The following NUP155 variants were observed in gnomAD, a reference collection of about 807,000 sequenced individuals.
NUP155 encodes nucleoporin 155.
In NUP155, 71 loss-of-function variants were observed where a neutral mutation model predicts 180.4. The observed-to-expected ratio is 0.39, with a 90% confidence interval of 0.33 to 0.48. NUP155 has a LOEUF of 0.48. Ranked by LOEUF, NUP155 falls within the 20% of genes least tolerant of loss-of-function variation. NUP155 has a pLI of 0.91. For missense variants in NUP155, 1,553 were observed against 1,648.9 expected, an observed-to-expected ratio of 0.94 and a Z score of 1.01; for synonymous variants, 582 against 559.5, an observed-to-expected ratio of 1.04 and a Z score of -0.57.
rs1293156768 is a variant in NUP155, at chr5:37,330,031, C to A, written c.1724+7G>T. The stretch of plus-strand genomic sequence containing the variant: ...CAAATAAATAAACAAGAAAAACTTT[C>A]ACATACCTAAAGAAAGCCCGAGTAG... On this transcript the variant is annotated splice_region_variant and intron_variant, in intron 15 of 34. Transcript: ENST00000231498. 1.2e-6 allele frequency: 2 copies of A among 1,600,132 alleles called. No homozygotes were observed. Among genetic ancestry groups the A allele is most frequent in the East Asian group, 2.2e-5 (1 of 44,792 alleles).
At chr5:37,334,083 G>A (rs1381155607) in intron 12 of NUP155, among the ~76,000 whole-genome samples, 1 of 151,310 alleles carries the variant, frequency 6.6e-6, no homozygotes, top group Non-Finnish European at 1.5e-5. Flanking sequence ...TTACAGGCAT[G>A]AGCCACCACA....
intron 13 of NUP155, among the ~76,000 whole-genome samples, chr5:37,332,978 T>A (rs1478390404): frequency 1.3e-5 from 2 of 151,816 alleles, no homozygotes; most frequent in East Asian, 3.9e-4. Flanking sequence ...ATAAATAAAA[T>A]AAAATATCAA....
At chr5:37,354,540 C>G (rs180673126) in intron 4 of NUP155, among the ~76,000 whole-genome samples, 3 of 150,998 alleles carry the variant, frequency 2.0e-5, no homozygotes, top group Non-Finnish European at 1.5e-5. Flanking sequence ...CTTACTGCAG[C>G]CTTGTCCTCC....
chr5:37,293,106 A>G (rs1742321869), intron 33 of NUP155, 121 bp from the exon 34 acceptor site: 1 of 699,612 alleles, frequency 1.4e-6, no homozygotes, highest in Non-Finnish European at 2.6e-6. Flanking sequence ...AAAGCATTTA[A>G]TATCACATGG....
chr5:37,333,147 G>T (rs1025857674), intron 13 of NUP155, among the ~76,000 whole-genome samples: 10 of 151,900 alleles, frequency 6.6e-5, no homozygotes, highest in Non-Finnish European at 1.5e-4. Flanking sequence ...CTGAGATCAG[G>T]AGTTCAAGAC....
chr5:37,302,720 T>C, intron 29 of NUP155, 59 bp downstream of exon 29: 1 of 1,572,304 alleles, frequency 6.4e-7, no homozygotes, highest in South Asian at 1.1e-5. Context: ...GAATGGAATG[T>C]GGAATAACTA....
At chr5:37,342,736 A>G (rs981203739) in intron 9 of NUP155, 90 bp from the exon 10 acceptor site, 108 of 942,098 alleles carry the variant, frequency 1.1e-4, no homozygotes, top group Middle Eastern at 3.1e-4. Context: ...ACATATTTCC[A>G]TATTTTCCTT....
chr5:37,346,006 A>G (rs1177961472), intron 9 of NUP155, among the ~76,000 whole-genome samples: 5 of 152,150 alleles, frequency 3.3e-5, no homozygotes, highest in Admixed American at 6.6e-5. Context: ...TTAGAGGGAA[A>G]AACAGAAAAT....
At chr5:37,352,446 G>A (rs1217084536) in intron 5 of NUP155, among the ~76,000 whole-genome samples, 1 of 152,180 alleles carries the variant, frequency 6.6e-6, no homozygotes, top group Non-Finnish European at 1.5e-5. Context: ...ACTGAAGCAG[G>A]AGAATCACTT....
intron 3 of NUP155, among the ~76,000 whole-genome samples, chr5:37,363,002 T>G (rs1157907677): frequency 1.3e-5 from 2 of 152,156 alleles, no homozygotes; most frequent in Admixed American, 1.3e-4. Flanking sequence ...AACCTCCATC[T>G]CCCAGGTTCA....
chr5:37,332,312 GCTTTT>G (rs1242714851), intron 13 of NUP155, among the ~76,000 whole-genome samples: 1 of 120,166 alleles, frequency 8.3e-6, no homozygotes, highest in African/African-American at 3.6e-5. Context: ...TGCCATTACA[GCTTTT>G]TTTTTTTTTT....
chr5:37,327,736 C>T lies in NUP155; in HGVS notation c.1917G>A (p.Leu639=). 3 of 1,614,146 alleles carry T rather than the reference C, an allele frequency of 1.9e-6. No homozygotes were observed. Among genetic ancestry groups the T allele is most frequent in the Non-Finnish European group, 2.5e-6 (3 of 1,180,018 alleles). ...PPAMSTPVCA[L]GNPATQATNM... Reference sequence around the variant, plus strand: ...TTGTGGCCTGAGTTGCTGGGTTTCCCAGAGCACACACTGGAGTTGACATGG... The same window carrying T: ...TTGTGGCCTGAGTTGCTGGGTTTCCTAGAGCACACACTGGAGTTGACATGG... The change falls in exon 18 of 35, where the codon CTG becomes CTA. Residue 639 remains leucine, a synonymous_variant. Coordinates refer to ENST00000231498, the MANE Select transcript of NUP155 (RefSeq NM_153485.3).
At chr5:37,368,105 C>T (rs1747721027) in intron 1 of NUP155, among the ~76,000 whole-genome samples, 1 of 151,630 alleles carries the variant, frequency 6.6e-6, no homozygotes, top group South Asian at 2.1e-4. Context: ...CAGGGTTTTG[C>T]CATGTTGCTC....
At chr5:37,358,011 TG>T (rs1162369856) in intron 4 of NUP155, 69 bp downstream of exon 4, 1 of 1,064,542 alleles carries the variant, frequency 9.4e-7, no homozygotes, top group African/African-American at 1.6e-5. Flanking sequence ...TGTGTGTTGT[TG>T]TTCAGGTCTA....
At position 37,324,085 on chromosome 5, in the gene NUP155, T is replaced by C; in HGVS notation, c.2114A>G (p.Gln705Arg). The change falls in exon 20 of 35, where the codon CAA (glutamine) becomes CGA (arginine). Residue 705 changes from glutamine (Q) to arginine (R), a missense_variant. Physicochemically the swap from Gln to Arg is conservative, Grantham distance 43. Coordinates refer to ENST00000231498, the MANE Select transcript of NUP155 (RefSeq NM_153485.3). ...ITAIESSVPC[Q>R]LLESVLQELK... The stretch of plus-strand genomic sequence containing the variant: ...TTCTTGTAGCACTGACTCTAGCAGT[T>C]GGCAGGGAACACTACTTTCAATCTG... 1 of 1,613,400 alleles carries C rather than the reference T, an allele frequency of 6.2e-7. No individual in the cohort carries two copies.
At chr5:37,343,248 G>GT (rs989912199) in intron 9 of NUP155, among the ~76,000 whole-genome samples, 11 of 151,780 alleles carry the variant, frequency 7.2e-5, no homozygotes, top group African/African-American at 2.7e-4. Flanking sequence ...CTAATTTTTT[G>GT]TATTTTTAGT....
chr5:37,351,502 A>G (rs1746456244), intron 5 of NUP155, 146 bp from the exon 6 acceptor site: 7 of 586,862 alleles, frequency 1.2e-5, no homozygotes, highest in Non-Finnish European at 2.1e-5. Context: ...GGCTGGGTGC[A>G]GTGGCCCGAT....
At chr5:37,367,296 C>T (rs1385619191) in intron 1 of NUP155, among the ~76,000 whole-genome samples, 1 of 151,576 alleles carries the variant, frequency 6.6e-6, no homozygotes. Context: ...CTCACTGCAA[C>T]CTCTGCCTCC....
At chr5:37,297,196 T>G (rs1265795472) in intron 32 of NUP155, among the ~76,000 whole-genome samples, 1 of 152,048 alleles carries the variant, frequency 6.6e-6, no homozygotes, top group Non-Finnish European at 1.5e-5. Flanking sequence ...TAATCTTAAT[T>G]TTTTTTGTAG....
Sources: allele counts gnomAD v4.1 joint callset (sites outside exome capture counted in the v4.1 genomes callset), GRCh38; gene constraint gnomAD v4.1.1; transcripts MANE v1.5; gene names NCBI Gene and HGNC (gene_info 2026-07-23, HGNC 2026-07-21).